The following SSR2 variants were observed in gnomAD, a reference collection of about 807,000 sequenced individuals.
SSR2 encodes the protein translocon-associated protein subunit beta.
In SSR2, 16 loss-of-function variants were observed where a neutral mutation model predicts 22.6. The observed-to-expected ratio is 0.71, with a 90% CI of 0.48 to 1.08. SSR2 has a LOEUF of 1.08. SSR2 is among the 50% of genes least tolerant of loss of function. The pLI, the probability that SSR2 is intolerant of heterozygous loss-of-function variation, is 0.00. For missense variants in SSR2, 171 were observed against 221.6 expected (o/e 0.77, Z 1.45); for synonymous variants, 83 against 91.2 (o/e 0.91, Z 0.51).
intron 4 of SSR2, chr1:156,014,017 G>A (rs1683017762): frequency 6.6e-6 from 1 of 152,134 alleles, no homozygotes. Context: ...CCAAGTGTCT[G>A]GTTAATGTTA....
chr1:156,009,825 A>T (rs1682955022), intron 5 of SSR2, among the ~76,000 whole-genome samples, 175 bp from the exon 6 acceptor site: 1 of 152,050 alleles, frequency 6.6e-6, no homozygotes, highest in Middle Eastern at 3.4e-3. Flanking sequence ...CTAGGCTGGT[A>T]TGCAGTGGCA....
Position 156,017,876 on chromosome 1 carries a change from A to G in SSR2, c.254+394T>C, listed in dbSNP as rs1683083049. Among the ~76,000 whole-genome samples, 3 of 143,606 alleles carry G rather than the reference A, an allele frequency of 2.1e-5. No individual in the cohort carries two copies. In the South Asian group the frequency reaches 6.8e-4, roughly 33 times the overall value. 94.2% of individuals were successfully genotyped at this position (143,606 alleles called of 152,430 possible). On this transcript the variant is annotated intron_variant, in intron 3 of 5. Transcript: ENST00000295702. ...AGTGATTCTCCTGCCTCAGCCTCCC[A>G]AGTAGCTAGACTATAGGTGCGCGCC...
At chr1:156,010,517 C>G (rs1164116617) in intron 5 of SSR2, 1 of 152,102 alleles carries the variant, frequency 6.6e-6, no homozygotes, top group Non-Finnish European at 1.5e-5. Flanking sequence ...AGGCCTAACT[C>G]AGCACAAATT....
intron 3 of SSR2, among the ~76,000 whole-genome samples, chr1:156,015,734 T>A (rs1683046004): frequency 6.6e-6 from 1 of 150,452 alleles, no homozygotes; most frequent in South Asian, 2.1e-4. Context: ...GGCCTAGGCA[T>A]CTTTTTTAAA....
intron 4 of SSR2, chr1:156,014,023 T>C (rs1202664710): frequency 6.6e-6 from 1 of 152,248 alleles, no homozygotes; most frequent in Non-Finnish European, 1.5e-5. Context: ...GTCTGGTTAA[T>C]GTTATCTCCC....
chr1:156,018,280 G>A lies in SSR2; in HGVS notation c.244C>T (p.Arg82Trp), dbSNP rs781419372. ...GTGCCAAGAGGATACGGGGCAATCC[G>A]GTCCCATTTGACATTGAGCATTCCA... The part of the protein sequence containing the change: ...VSGMLNVKWD[R>W]IAPASNVSHT... Residue 82 changes from arginine (R) to tryptophan (W), a missense_variant, in exon 3 of 6, where the codon CGG (arginine) becomes TGG (tryptophan). Coordinates refer to ENST00000295702, the MANE Select transcript of SSR2 (RefSeq NM_003145.4). 59 of 1,613,568 alleles carry A rather than the reference G, an allele frequency of 3.7e-5. No homozygotes were observed. The highest frequency in any genetic ancestry group is 2.7e-5 in the African/African-American group (2 of 74,870).
rs773247311 is a variant in SSR2 at position 156,020,242 on chromosome 1, C to G, written c.1-75G>C. On this transcript the variant is annotated intron_variant, in intron 1 of 5. Transcript: ENST00000295702. ...ACCAAAATCCTCTTGACAGCGCTCC[C>G]GTAGAAAGCTCCTTCGATGCTACCA... is the stretch of plus-strand genomic sequence containing the variant. 7 of 1,529,956 alleles carry G rather than the reference C, an allele frequency of 4.6e-6. No individual in the cohort carries two copies. In the East Asian group the frequency reaches 1.6e-4, roughly 35 times the overall value. The allele number at this position is 1,529,956 out of a possible 1,614,324, so 94.8% of individuals were successfully genotyped here.
At chr1:156,018,205 T>G in intron 3 of SSR2, 65 bp downstream of exon 3, 1 of 1,257,344 alleles carries the variant, frequency 8.0e-7, no homozygotes, top group East Asian at 2.3e-5. Flanking sequence ...GAAGTACCCC[T>G]GCTGCTTTGC....
chr1:156,012,373 A>G, intron 4 of SSR2: 2 of 349,050 alleles, frequency 5.7e-6, no homozygotes, highest in Non-Finnish European at 1.1e-5. Flanking sequence ...ATAATGAAGT[A>G]TAAAGCCCTA....
At chr1:156,011,704 G>A in intron 5 of SSR2, 106 bp downstream of exon 5, 1 of 897,332 alleles carries the variant, frequency 1.1e-6, no homozygotes. Context: ...AACACACAGG[G>A]CAAGAACCAA....
chr1:156,014,854 G>C, intron 4 of SSR2, 107 bp downstream of exon 4: 2 of 892,330 alleles, frequency 2.2e-6, no homozygotes, highest in Non-Finnish European at 3.6e-6. Flanking sequence ...ACTGTATTTT[G>C]GTATCTATTA....
intron 4 of SSR2, chr1:156,014,203 C>T (rs527658997): frequency 6.6e-6 from 1 of 152,106 alleles, no homozygotes; most frequent in East Asian, 1.9e-4. Context: ...CTCACTGCAG[C>T]CTCAACCTCT....
chr1:156,017,998 T>G (rs879425448), intron 3 of SSR2: 136 of 251,730 alleles, frequency 5.4e-4, no homozygotes, highest in Non-Finnish European at 9.3e-4. Context: ...TCCACCCACC[T>G]CGGCCTCCCA....
At chr1:156,020,665 T>C (rs116675930) in intron 1 of SSR2, 1 of 344,188 alleles carries the variant, frequency 2.9e-6, no homozygotes, top group African/African-American at 2.2e-5. Flanking sequence ...TGAGATCCCA[T>C]TCGTCCTCGC....
rs1558078879 is a variant in SSR2 at position 156,020,055 on chromosome 1, C to T, written c.113G>A (p.Arg38Gln). ...GATGTTGTACTGCAAGGTCAGGTCTCGTCCCTCCACGGCGTATCTGTTCAG... is the reference window on the plus strand; with the variant it reads ...GATGTTGTACTGCAAGGTCAGGTCTTGTCCCTCCACGGCGTATCTGTTCAG... ...SLLNRYAVEG[R>Q]DLTLQYNIYN... The change falls in exon 2 of 6, where the codon CGA becomes CAA. Residue 38 changes from arginine to glutamine, a missense_variant. Transcript: ENST00000295702. The T allele has an allele frequency of 6.2e-7, 1 of 1,614,100 alleles. No homozygotes were observed. The highest frequency in any genetic ancestry group is 8.5e-7 in the Non-Finnish European group (1 of 1,180,020).
Position 156,020,141 on chromosome 1 carries a change from C to T in SSR2, c.27G>A (p.Leu9=), listed in dbSNP as rs1222538124. MRLLSFVV[L]ALFAVTQAEE... ...CTGCTTGAGTGACAGCAAATAGAGC[C>T]AACACCACAAATGACAGCAGCCTCA... The change falls in exon 2 of 6, where the codon TTG becomes TTA. Residue 9 remains leucine (L), a synonymous_variant. Coordinates refer to ENST00000295702, the MANE Select transcript of SSR2 (RefSeq NM_003145.4). 6.2e-7 allele frequency: 1 copy of T among 1,614,030 alleles called. No homozygotes were observed. The highest frequency in any genetic ancestry group is 8.5e-7 in the Non-Finnish European group (1 of 1,179,990).
At position 156,015,022 on chromosome 1, in the gene SSR2, C is replaced by T. The variant is rs1489595818; in HGVS notation, c.302G>A (p.Gly101Asp). 6.2e-7 allele frequency: 1 copy of T among 1,614,004 alleles called. No homozygotes were observed. The highest frequency in any genetic ancestry group is 1.7e-5 in the Admixed American group (1 of 59,992). Residue 101 changes from glycine (G) to aspartate (D), a missense_variant, in exon 4 of 6, where the codon GGT becomes GAT. Gly to Asp is a moderately conservative substitution (Grantham distance 94). Coordinates refer to ENST00000295702, the MANE Select transcript of SSR2 (RefSeq NM_003145.4). ...TGTTGCCGAGGTGAAGTTGAAATAA[C>T]CAGCCTTGAGAGGGCGCAGGACCAC... ...HTVVLRPLKA[G>D]YFNFTSATIT...
intron 3 of SSR2, among the ~76,000 whole-genome samples, chr1:156,016,273 G>A (rs185669518): frequency 4.7e-5 from 7 of 150,342 alleles, no homozygotes; most frequent in Non-Finnish European, 7.4e-5. Context: ...TCGCTCCGTC[G>A]CCCAGGCTGA....
intron 3 of SSR2, among the ~76,000 whole-genome samples, chr1:156,015,833 C>T (rs1245452963): frequency 1.3e-5 from 2 of 151,100 alleles, no homozygotes; most frequent in Non-Finnish European, 2.9e-5. Context: ...ACTTCCAAAG[C>T]AATATATGTT....
Sources: allele counts gnomAD v4.1 joint callset (sites outside exome capture counted in the v4.1 genomes callset), GRCh38; gene constraint gnomAD v4.1.1; transcripts MANE v1.5; gene names NCBI Gene and HGNC (gene_info 2026-07-23, HGNC 2026-07-21).